Variants in UBL3 observed in about 807,000 individuals in gnomAD.
UBL3 encodes ubiquitin-like protein 3.
In UBL3, 6 loss-of-function variants were observed where a neutral mutation model predicts 18.4. The ratio of observed to expected loss-of-function variants is 0.33; its 90% CI spans 0.18 to 0.64. The LOEUF is 0.64. Among genes scored for constraint, UBL3 ranks in the 30% least tolerant of loss-of-function variants. The pLI, the probability that UBL3 is intolerant of heterozygous loss-of-function variation, is 0.76. For synonymous variants in UBL3, 49 were observed against 46.6 expected (o/e 1.05, Z -0.21); for missense variants, 109 against 142.9 (o/e 0.76, Z 1.21).
At chr13:29,825,424 T>C (rs1440075406) in intron 1 of UBL3, among the ~76,000 whole-genome samples, 2 of 152,196 alleles carry the variant, frequency 1.3e-5, no homozygotes, top group Non-Finnish European at 2.9e-5. Context: ...TCACATCCCT[T>C]GTAAGTTGGA....
intron 1 of UBL3, among the ~76,000 whole-genome samples, chr13:29,788,514 T>TG (rs1877383491): frequency 6.6e-6 from 1 of 152,164 alleles, no homozygotes; most frequent in Non-Finnish European, 1.5e-5. Context: ...CCAGCATACT[T>TG]CGATGCCACC....
intron 1 of UBL3, among the ~76,000 whole-genome samples, chr13:29,809,438 A>G (rs1210759764): frequency 3.3e-5 from 5 of 152,198 alleles, no homozygotes; most frequent in Non-Finnish European, 7.4e-5. Flanking sequence ...ACAGCCACCA[A>G]TAAGGCTGAA....
intron 1 of UBL3, among the ~76,000 whole-genome samples, chr13:29,793,376 T>C (rs1209470594): frequency 1.3e-5 from 2 of 152,196 alleles, no homozygotes; most frequent in African/African-American, 4.8e-5. Flanking sequence ...GGCACTGAGC[T>C]AGAAAATATC....
At chr13:29,836,418 C>G (rs1378408057) in intron 1 of UBL3, among the ~76,000 whole-genome samples, 1 of 151,822 alleles carries the variant, frequency 6.6e-6, no homozygotes, top group African/African-American at 2.4e-5. Flanking sequence ...GGCAATTAGG[C>G]TACCTATGAG....
chr13:29,813,981 T>C (rs1878188217), intron 1 of UBL3, among the ~76,000 whole-genome samples: 1 of 152,108 alleles, frequency 6.6e-6, no homozygotes, highest in African/African-American at 2.4e-5. Context: ...GTTCTGGTTA[T>C]CTAATGAAAT....
chr13:29,846,545 A>G (rs1879232161), intron 1 of UBL3, among the ~76,000 whole-genome samples: 1 of 152,190 alleles, frequency 6.6e-6, no homozygotes, highest in Non-Finnish European at 1.5e-5. Flanking sequence ...TTCTACCTAC[A>G]AAACAAAAAC....
chr13:29,796,353 G>A (rs1163050352), intron 1 of UBL3, among the ~76,000 whole-genome samples: 1 of 152,144 alleles, frequency 6.6e-6, no homozygotes, highest in Non-Finnish European at 1.5e-5. Flanking sequence ...CTGTCAAAAT[G>A]TATCACTTAC....
At chr13:29,768,808 T>A (rs1876760408) in intron 3 of UBL3, among the ~76,000 whole-genome samples, 2 of 152,074 alleles carry the variant, frequency 1.3e-5, no homozygotes, top group African/African-American at 4.8e-5. Context: ...TAAATCAAAA[T>A]GTAAGTAAGA....
In UBL3 at chr13:29,849,862, G is replaced by C; in HGVS notation, c.-324C>G. The C allele has an allele frequency of 5.9e-6, 3 of 507,266 alleles. No homozygotes were observed. The highest frequency in any genetic ancestry group is 1.1e-5 in the Non-Finnish European group (3 of 280,424). The allele number at this position is 507,266 out of a possible 1,614,324, so 31.4% of individuals were successfully genotyped here. A position where few individuals can be genotyped will look rare whatever the true frequency, so the allele number is the denominator to read the frequency against. On this transcript the variant is annotated 5_prime_UTR_variant, in exon 1 of 5. Transcript: ENST00000380680. ...AGGTGGACCGAGCCGAGTGACACAC[G>C]GACATGGAGAGGGGTGGGAGGGGGT...
intron 1 of UBL3, among the ~76,000 whole-genome samples, chr13:29,826,112 G>C (rs1593670820): frequency 1.3e-5 from 2 of 152,208 alleles, no homozygotes; most frequent in African/African-American, 4.8e-5. Context: ...ATTTTATTGA[G>C]GATTTTTGCA....
intron 1 of UBL3, among the ~76,000 whole-genome samples, chr13:29,783,339 A>T (rs1027821964): frequency 6.6e-6 from 1 of 152,254 alleles, no homozygotes; most frequent in Non-Finnish European, 1.5e-5. Context: ...CTAGGTTAAT[A>T]GATATAGACA....
At chr13:29,767,887 T>C (rs1177020869) in intron 3 of UBL3, among the ~76,000 whole-genome samples, 192 bp from the exon 4 acceptor site, 1 of 152,126 alleles carries the variant, frequency 6.6e-6, no homozygotes, top group East Asian at 1.9e-4. Flanking sequence ...AAATTATTTT[T>C]TGCAGTTATA....
At chr13:29,768,421 A>G (rs1039141674) in intron 3 of UBL3, among the ~76,000 whole-genome samples, 1 of 152,078 alleles carries the variant, frequency 6.6e-6, no homozygotes, top group Admixed American at 6.6e-5. Flanking sequence ...AGCAGCTGGT[A>G]TATTTAGCTT....
chr13:29,776,269 T>C (rs1466094623), intron 2 of UBL3, among the ~76,000 whole-genome samples: 1 of 144,800 alleles, frequency 6.9e-6, no homozygotes, highest in Non-Finnish European at 1.5e-5. Context: ...TTCTTTTTTT[T>C]TTTTTTTTTT....
intron 1 of UBL3, among the ~76,000 whole-genome samples, chr13:29,796,267 G>A (rs1314797280): frequency 6.6e-6 from 1 of 151,686 alleles, no homozygotes; most frequent in Non-Finnish European, 1.5e-5. Context: ...TTTGATTTAT[G>A]AAAATTACAA....
At chr13:29,844,285 CA>C (rs1411810496) in intron 1 of UBL3, among the ~76,000 whole-genome samples, 2 of 151,990 alleles carry the variant, frequency 1.3e-5, no homozygotes, top group Non-Finnish European at 2.9e-5. Context: ...ACAAAATAAA[CA>C]AACAGAAGTT....
At chr13:29,769,957 T>A (rs1203778810) in intron 3 of UBL3, among the ~76,000 whole-genome samples, 1 of 152,106 alleles carries the variant, frequency 6.6e-6, no homozygotes, top group African/African-American at 2.4e-5. Flanking sequence ...CCACTACCTA[T>A]AACAAGATCT....
At chr13:29,835,114 ATATATATATAAATATATATATATATATAT>A (rs1878901069) in intron 1 of UBL3, among the ~76,000 whole-genome samples, 2 of 30,470 alleles carry the variant, frequency 6.6e-5, no homozygotes, top group Non-Finnish European at 1.0e-4. Flanking sequence ...ATAAATATAT[ATATATATATAAATATATATATATATATAT>A]ATATATATAT....
chr13:29,797,480 T>G (rs1206668276), intron 1 of UBL3, among the ~76,000 whole-genome samples: 1 of 152,214 alleles, frequency 6.6e-6, no homozygotes, highest in South Asian at 2.1e-4. Context: ...GCCAAGATAG[T>G]GCTGGAGAAA....
Sources: gnomAD v4.1 joint callset for allele counts (sites outside exome capture counted in the v4.1 genomes callset) on GRCh38, gnomAD v4.1.1 for gene constraint, MANE v1.5 for transcripts, NCBI Gene and HGNC (gene_info 2026-07-23, HGNC 2026-07-21) for gene names.